The following ABCE1 variants were observed in gnomAD, a reference collection of about 807,000 sequenced individuals.
The protein encoded by ABCE1 is ATP-binding cassette sub-family E member 1.
Under a neutral mutation model 83.4 loss-of-function variants are expected in ABCE1, and 22 were observed. That is an observed-to-expected ratio of 0.26 (90% CI 0.19 to 0.38). The LOEUF (loss-of-function observed/expected upper bound fraction) is 0.38, where lower values mean the gene tolerates loss of function less well. ABCE1 is among the 10% of genes least tolerant of loss of function. ABCE1 has a pLI of 1.00. For missense variants in ABCE1, 330 were observed against 721.9 expected, an observed-to-expected ratio of 0.46 and a Z score of 6.22; for synonymous variants, 204 against 233.7, an observed-to-expected ratio of 0.87 and a Z score of 1.16.
intron 7 of ABCE1, 114 bp downstream of exon 7, chr4:145,110,558 C>G (rs1458427366): frequency 4.0e-6 from 4 of 1,002,406 alleles, no homozygotes; most frequent in Admixed American, 2.0e-5. Flanking sequence ...TTACCACAAC[C>G]TCTGCCTCCC....
At chr4:145,109,282 A>T in intron 5 of ABCE1, 33 bp downstream of exon 5, 1 of 1,320,764 alleles carries the variant, frequency 7.6e-7, no homozygotes, top group Middle Eastern at 1.8e-4. Flanking sequence ...AATTAATATC[A>T]TGAGTCAGTT....
chr4:145,119,792 A>T, intron 10 of ABCE1, 140 bp from the exon 11 acceptor site: 1 of 610,494 alleles, frequency 1.6e-6, no homozygotes, highest in Non-Finnish European at 2.9e-6. Context: ...TAGTTTTTTA[A>T]GTTACTTCTT....
chr4:145,127,511 T>C lies in ABCE1; in HGVS notation c.1753-15T>C, dbSNP rs749593316. On this transcript the variant is annotated splice_polypyrimidine_tract_variant and intron_variant, in intron 17 of 17. Transcript: ENST00000296577. ...TCGTGTTGCTGATTTTTGTGGCTTCTGTTTTCTTTTTTAGGATGTAGAACA... is the reference window on the plus strand; with the variant it reads ...TCGTGTTGCTGATTTTTGTGGCTTCCGTTTTCTTTTTTAGGATGTAGAACA... The C allele has an allele frequency of 7.6e-6, 12 of 1,582,744 alleles. No individual in the cohort carries two copies. The highest frequency in any genetic ancestry group is 9.4e-6 in the Non-Finnish European group (11 of 1,169,586).
At position 145,128,812 on chromosome 4, in the gene ABCE1, G is replaced by C. The variant is rs1194042323; in HGVS notation, c.*1239G>C. The C allele has an allele frequency of 6.6e-6, 1 of 152,154 alleles. No individual in the cohort carries two copies. The highest frequency in any genetic ancestry group is 1.5e-5 in the Non-Finnish European group (1 of 68,010). The allele number at this position is 152,154 out of a possible 1,614,324, so 9.4% of individuals were successfully genotyped here. ...AGCTACTTGAAATAACAGAAGTCTT[G>C]ATTAATATGCAAATAATGGCTAGAA... On this transcript the variant is annotated 3_prime_UTR_variant, in exon 18 of 18. Transcript: ENST00000296577.
chr4:145,120,066 A>G lies in ABCE1; in HGVS notation c.1057A>G (p.Met353Val), dbSNP rs1749701681. 1 of 1,612,272 alleles carries G rather than the reference A, an allele frequency of 6.2e-7. No individual in the cohort carries two copies. The highest frequency in any genetic ancestry group is 1.7e-5 in the Admixed American group (1 of 59,676). The change falls in exon 11 of 18, where the codon ATG becomes GTG. Residue 353 changes from methionine (M) to valine (V), a missense_variant. Met to Val is a conservative substitution (Grantham distance 21). Coordinates refer to ENST00000296577, the MANE Select transcript of ABCE1 (RefSeq NM_002940.3). Reference protein sequence around the residue: ...KKMCMYKYPGMKKKMGEFELA... With the variant: ...KKMCMYKYPGVKKKMGEFELA... ...GATGTGTATGTATAAATATCCAGGAATGAAGAAAAAAATGGGAGAATTTGA... is the reference window on the plus strand; with the variant it reads ...GATGTGTATGTATAAATATCCAGGAGTGAAGAAAAAAATGGGAGAATTTGA...
At chr4:145,102,783 G>C (rs899562589) in intron 1 of ABCE1, among the ~76,000 whole-genome samples, 1 of 152,158 alleles carries the variant, frequency 6.6e-6, no homozygotes, top group Non-Finnish European at 1.5e-5. Context: ...TGTGTAGTAG[G>C]GGGTGAACTA....
At chr4:145,105,782 G>T in intron 3 of ABCE1, 92 bp downstream of exon 3, 1 of 748,022 alleles carries the variant, frequency 1.3e-6, no homozygotes. Flanking sequence ...TTTAAGTGAG[G>T]CAAAGTATAA....
intron 1 of ABCE1, among the ~76,000 whole-genome samples, chr4:145,101,211 A>G (rs1749146921): frequency 6.6e-6 from 1 of 152,160 alleles, no homozygotes; most frequent in Non-Finnish European, 1.5e-5. Flanking sequence ...AGGCTCACTG[A>G]GAAATAGTAA....
At position 145,121,192 on chromosome 4, in the gene ABCE1, T is replaced by A; in HGVS notation, c.1163T>A (p.Phe388Tyr). The change falls in exon 12 of 18, where the codon TTT becomes TAT. Residue 388 changes from phenylalanine (F) to tyrosine (Y), a missense_variant. Physicochemically the swap from Phe to Tyr is conservative, Grantham distance 22 (BLOSUM62 3). Transcript: ENST00000296577. The stretch of plus-strand genomic sequence containing the variant: ...TTGCCAGGAACGGGTAAAACGACAT[T>A]TATCAGAATGCTTGCTGGAAGACTT... ...LGENGTGKTTFIRMLAGRLKP... is the reference protein window; with the variant it reads ...LGENGTGKTTYIRMLAGRLKP... The A allele has an allele frequency of 6.2e-7, 1 of 1,613,664 alleles. No homozygotes were observed. Among genetic ancestry groups the A allele is most frequent in the Non-Finnish European group, 8.5e-7 (1 of 1,179,896 alleles).
Position 145,125,829 on chromosome 4 carries a change from C to A in ABCE1, c.1752+728C>A, listed in dbSNP as rs529264204. On this transcript the variant is annotated intron_variant, in intron 17 of 17. Coordinates refer to ENST00000296577, the MANE Select transcript of ABCE1 (RefSeq NM_002940.3). ...CCTGTAATCCCAGAACTTTGGGAAG[C>A]CAAGGAGATCGAGACCATCCTGTCT... Among the ~76,000 whole-genome samples, 4 of 152,226 alleles carry A rather than the reference C, an allele frequency of 2.6e-5. No homozygotes were observed. In the South Asian group the frequency reaches 8.3e-4, roughly 32 times the overall value.
At chr4:145,102,147 G>T (rs1045096425) in intron 1 of ABCE1, among the ~76,000 whole-genome samples, 1 of 152,150 alleles carries the variant, frequency 6.6e-6, no homozygotes, top group South Asian at 2.1e-4. Context: ...AGATGCAATT[G>T]ATTGGTCAGG....
intron 1 of ABCE1, among the ~76,000 whole-genome samples, chr4:145,101,028 C>T (rs1305063374): frequency 6.6e-6 from 1 of 151,752 alleles, no homozygotes; most frequent in Non-Finnish European, 1.5e-5. Context: ...TACATACACA[C>T]ACCCACGATA....
intron 15 of ABCE1, 34 bp downstream of exon 15, chr4:145,123,391 T>C (rs750040731): frequency 3.1e-6 from 5 of 1,596,790 alleles, no homozygotes; most frequent in Non-Finnish European, 2.6e-6. Context: ...ATTTTGATTA[T>C]GTATACTGTC....
chr4:145,117,237 C>T (rs996491976), intron 9 of ABCE1, 56 bp from the exon 10 acceptor site: 2 of 1,448,374 alleles, frequency 1.4e-6, no homozygotes, highest in Admixed American at 4.1e-5. Context: ...CTGAAATTTC[C>T]AACTATTAAA....
intron 9 of ABCE1, 111 bp downstream of exon 9, chr4:145,112,439 T>A: frequency 1.3e-6 from 1 of 796,622 alleles, no homozygotes. Context: ...TTTATCTTGG[T>A]TGTTTATAGC....
At chr4:145,125,795 TG>T (rs1420880681) in intron 17 of ABCE1, among the ~76,000 whole-genome samples, 1 of 152,218 alleles carries the variant, frequency 6.6e-6, no homozygotes, top group Non-Finnish European at 1.5e-5. Flanking sequence ...CCAAGCGCAG[TG>T]GTTTATGCCT....
chr4:145,107,105 C>G (rs1749327609), intron 3 of ABCE1, among the ~76,000 whole-genome samples: 1 of 152,138 alleles, frequency 6.6e-6, no homozygotes, highest in African/African-American at 2.4e-5. Context: ...TTTTGCTGTT[C>G]TTGTTCCTTG....
At position 145,120,105 on chromosome 4, in the gene ABCE1, G is replaced by T; in HGVS notation, c.1096G>T (p.Ala366Ser). 6.2e-7 allele frequency: 1 copy of T among 1,611,772 alleles called. No homozygotes were observed. Among genetic ancestry groups the T allele is most frequent in the Non-Finnish European group, 8.5e-7 (1 of 1,179,158 alleles). Residue 366 changes from alanine to serine, a missense_variant, in exon 11 of 18, where the codon GCT becomes TCT. Ala to Ser is a moderately conservative substitution (Grantham distance 99). Coordinates refer to ENST00000296577, the MANE Select transcript of ABCE1 (RefSeq NM_002940.3). ...GGGAGAATTTGAGCTAGCAATTGTA[G>T]CTGGAGAGTTTACAGATTCTGAAAT... ...KMGEFELAIV[A>S]GEFTDSEIMV...
intron 9 of ABCE1, among the ~76,000 whole-genome samples, chr4:145,112,639 C>T (rs983362989): frequency 2.0e-5 from 3 of 152,196 alleles, no homozygotes; most frequent in African/African-American, 7.2e-5. Flanking sequence ...CATTTTCACA[C>T]ACACAACACA....
Sources: allele counts gnomAD v4.1 joint callset (sites outside exome capture counted in the v4.1 genomes callset), GRCh38; gene constraint gnomAD v4.1.1; transcripts MANE v1.5; gene names NCBI Gene and HGNC (gene_info 2026-07-23, HGNC 2026-07-21).